Variants in CCDC91 observed in about 807,000 individuals in gnomAD.
CCDC91 encodes coiled-coil domain containing 91.
A neutral mutation model predicts 63.2 loss-of-function variants in CCDC91; 48 were observed. That is an observed-to-expected ratio of 0.76 (90% CI 0.60 to 0.97). The LOEUF (loss-of-function observed/expected upper bound fraction) is 0.97. Among genes scored for constraint, CCDC91 ranks in the 50% least tolerant of loss-of-function variants. The pLI is 0.00. For synonymous variants in CCDC91, 167 were observed against 165.8 expected (o/e 1.01, Z -0.06); for missense variants, 500 against 494.6 (o/e 1.01, Z -0.10).
At chr12:28,337,407 G>A (rs1438889244) in intron 6 of CCDC91, among the ~76,000 whole-genome samples, 1 of 151,882 alleles carries the variant, frequency 6.6e-6, no homozygotes, top group Non-Finnish European at 1.5e-5. Context: ...TCTCATCTTA[G>A]CAATGAAACA....
intron 11 of CCDC91, among the ~76,000 whole-genome samples, chr12:28,479,835 T>A (rs1592796223): frequency 8.0e-6 from 1 of 124,890 alleles, no homozygotes; most frequent in African/African-American, 5.1e-5. Flanking sequence ...CTTTTGAAGA[T>A]GTTGTGCTAA....
chr12:28,526,408 G>A (rs1359761761), intron 12 of CCDC91, among the ~76,000 whole-genome samples: 1 of 152,002 alleles, frequency 6.6e-6, no homozygotes, highest in East Asian at 1.9e-4. Flanking sequence ...TAATTGTTTT[G>A]TTTGAGGAGG....
At chr12:28,391,552 T>C (rs376277666) in intron 8 of CCDC91, 141 bp downstream of exon 8, 20 of 521,622 alleles carry the variant, frequency 3.8e-5, no homozygotes, top group East Asian at 3.1e-4. Context: ...AACTCAAAGA[T>C]TGAGAATTTT....
intron 11 of CCDC91, among the ~76,000 whole-genome samples, chr12:28,453,451 T>A (rs1209719152): frequency 6.6e-6 from 1 of 152,010 alleles, no homozygotes; most frequent in African/African-American, 2.4e-5. Flanking sequence ...CAACCCAGAT[T>A]TTTTTTATGA....
intron 3 of CCDC91, among the ~76,000 whole-genome samples, chr12:28,272,374 C>T (rs1481605724): frequency 6.7e-6 from 1 of 148,522 alleles, no homozygotes; most frequent in Non-Finnish European, 1.5e-5. Flanking sequence ...TTGCTCCATT[C>T]TCTTTCTCCT....
At chr12:28,446,180 G>C (rs974680365) in intron 8 of CCDC91, among the ~76,000 whole-genome samples, 1 of 152,108 alleles carries the variant, frequency 6.6e-6, no homozygotes, top group Middle Eastern at 3.2e-3. Flanking sequence ...CCACTTAAGA[G>C]ACTGGAGAAT....
intron 11 of CCDC91, among the ~76,000 whole-genome samples, chr12:28,458,017 T>C (rs964192363): frequency 2.6e-5 from 4 of 152,128 alleles, no homozygotes; most frequent in African/African-American, 9.7e-5. Flanking sequence ...AATTTGGGGT[T>C]ATGTTTTCCC....
intron 11 of CCDC91, among the ~76,000 whole-genome samples, 179 bp downstream of exon 11, chr12:28,452,833 G>T (rs1308617337): frequency 6.6e-6 from 1 of 150,966 alleles, no homozygotes; most frequent in East Asian, 1.9e-4. Context: ...ATATTTTAAT[G>T]TGCTTTCATC....
intron 3 of CCDC91, among the ~76,000 whole-genome samples, chr12:28,282,916 C>T (rs1948692557): frequency 6.6e-6 from 1 of 152,008 alleles, no homozygotes; most frequent in African/African-American, 2.4e-5. Context: ...TTTTATTCTT[C>T]TACATGTGGT....
rs1293006970 is a variant in CCDC91, at chr12:28,496,932, A to G, written c.1215+12767A>G. Among the ~76,000 whole-genome samples, 5 of 138,640 alleles carry G rather than the reference A, an allele frequency of 3.6e-5. No homozygotes were observed. In the South Asian group the frequency reaches 1.1e-3, roughly 30 times the overall value. 91.0% of individuals were successfully genotyped at this position (138,640 alleles called of 152,430 possible). ...ACACATATATAAGGTATATATATAC[A>G]TATATATATACATATATATATATAT... On this transcript the variant is annotated intron_variant, in intron 12 of 12. Transcript: ENST00000536442.
At chr12:28,224,640 C>T (rs978247941) in intron 1 of CCDC91, among the ~76,000 whole-genome samples, 9 of 152,132 alleles carry the variant, frequency 5.9e-5, no homozygotes, top group African/African-American at 1.9e-4. Context: ...GGAGGGTTTG[C>T]ATCTGTAGGT....
intron 10 of CCDC91, among the ~76,000 whole-genome samples, chr12:28,451,183 G>T (rs1278157042): frequency 1.3e-5 from 2 of 151,620 alleles, no homozygotes; most frequent in Non-Finnish European, 3.0e-5. Flanking sequence ...ACATGTTTGT[G>T]ATCTAATGGT....
intron 8 of CCDC91, among the ~76,000 whole-genome samples, chr12:28,427,693 G>T (rs1245432570): frequency 1.3e-5 from 2 of 152,174 alleles, no homozygotes; most frequent in Admixed American, 6.6e-5. Context: ...TCCAAATTTT[G>T]AAGTGGCAGT....
chr12:28,535,530 C>A (rs1219935052), intron 12 of CCDC91, among the ~76,000 whole-genome samples: 1 of 152,180 alleles, frequency 6.6e-6, no homozygotes, highest in South Asian at 2.1e-4. Flanking sequence ...ATGACTAATT[C>A]ATATGGTATT....
chr12:28,323,314 A>G (rs1434237186), intron 6 of CCDC91, among the ~76,000 whole-genome samples: 1 of 151,844 alleles, frequency 6.6e-6, no homozygotes, highest in East Asian at 1.9e-4. Flanking sequence ...TCGTATTGAT[A>G]GAGTGAGATA....
chr12:28,195,018 A>G (rs924469129), intron 1 of CCDC91, among the ~76,000 whole-genome samples: 7 of 152,172 alleles, frequency 4.6e-5, no homozygotes, highest in African/African-American at 1.7e-4. Flanking sequence ...CACAGCATGG[A>G]AGGGGACCCG....
intron 8 of CCDC91, among the ~76,000 whole-genome samples, chr12:28,437,684 T>C (rs1443369840): frequency 6.6e-6 from 1 of 152,152 alleles, no homozygotes; most frequent in Admixed American, 6.6e-5. Context: ...GTTTTCATTT[T>C]ATCACACTTG....
chr12:28,310,644 A>T (rs1939228366), intron 6 of CCDC91, among the ~76,000 whole-genome samples: 1 of 152,054 alleles, frequency 6.6e-6, no homozygotes, highest in African/African-American at 2.4e-5. Flanking sequence ...AAGTAGGCAT[A>T]CTGTTCAGTT....
intron 1 of CCDC91, among the ~76,000 whole-genome samples, chr12:28,239,868 T>TG (rs1237496138): frequency 1.3e-5 from 2 of 152,088 alleles, no homozygotes; most frequent in Non-Finnish European, 2.9e-5. Flanking sequence ...GAAAACAGTG[T>TG]GGGGGGATTA....
Sources: gnomAD v4.1 joint callset for allele counts (sites outside exome capture counted in the v4.1 genomes callset) on GRCh38, gnomAD v4.1.1 for gene constraint, MANE v1.5 for transcripts, NCBI Gene and HGNC (gene_info 2026-07-23, HGNC 2026-07-21) for gene names.